The following FGD6 variants were observed in gnomAD, a reference collection of about 807,000 sequenced individuals.
FGD6 encodes the protein FYVE, RhoGEF and PH domain-containing protein 6.
FGD6 carries 90 observed loss-of-function variants against 149.4 expected under a neutral mutation model. The ratio of observed to expected loss-of-function variants is 0.60; its 90% CI spans 0.51 to 0.72. FGD6 has a LOEUF of 0.72. FGD6 is among the 30% of genes least tolerant of loss of function. FGD6 has a pLI of 0.00. For missense variants in FGD6, 1,437 were observed against 1,684.8 expected (o/e 0.85, Z 2.57); for synonymous variants, 527 against 584.0 (o/e 0.90, Z 1.41).
chr12:95,095,731 C>T (rs1389962960), intron 14 of FGD6, among the ~76,000 whole-genome samples: 1 of 151,858 alleles, frequency 6.6e-6, no homozygotes, highest in Non-Finnish European at 1.5e-5. Context: ...GAAGTAAAAT[C>T]GGCCAGGCGT....
chr12:95,092,929 T>C (rs541693804), intron 15 of FGD6, 84 bp from the exon 16 acceptor site: 21 of 1,474,968 alleles, frequency 1.4e-5, no homozygotes, highest in Non-Finnish European at 1.7e-5. Context: ...ACTACCAAGA[T>C]GGGGATGAGG....
chr12:95,211,297 C>A, intron 1 of FGD6, 30 bp from the exon 2 acceptor site: 1 of 1,518,194 alleles, frequency 6.6e-7, no homozygotes, highest in South Asian at 1.3e-5. Context: ...AATTTGATGT[C>A]AAAACAACCA....
At chr12:95,202,934 C>A (rs948800009) in intron 2 of FGD6, among the ~76,000 whole-genome samples, 14 of 152,184 alleles carry the variant, frequency 9.2e-5, no homozygotes, top group Admixed American at 8.5e-4. Context: ...TCAGTCCCAA[C>A]CCCCACCTTC....
rs558172358 is a variant in FGD6 at position 95,144,486 on chromosome 12, G to A, written c.2686-2947C>T. Reference sequence around the variant, plus strand: ...CAGCTCACCACAACCTCCGCTTCCCGGGTTCAAGCAATTCTCCTGCCTCAG... The same window carrying A: ...CAGCTCACCACAACCTCCGCTTCCCAGGTTCAAGCAATTCTCCTGCCTCAG... On this transcript the variant is annotated intron_variant, in intron 5 of 20. Transcript: ENST00000343958. 5.9e-5 allele frequency among the ~76,000 whole-genome samples: 9 copies of A among 151,836 alleles called. 1 individual carries two copies. Among genetic ancestry groups the A allele is most frequent in the South Asian group, 4.2e-4 (2 of 4,808 alleles).
chr12:95,139,708 T>A (rs894437505), intron 6 of FGD6, among the ~76,000 whole-genome samples: 38 of 150,636 alleles, frequency 2.5e-4, no homozygotes, highest in South Asian at 1.0e-3. Context: ...CAGAATGGAG[T>A]GCAGTGGCAC....
chr12:95,158,606 C>T (rs76112485), intron 3 of FGD6, among the ~76,000 whole-genome samples: 6,655 of 152,128 alleles, frequency 0.044, 199 homozygotes, highest in Middle Eastern at 0.099. Context: ...CACACACACA[C>T]GGATAACTGT....
In FGD6 at chr12:95,135,487, CA is replaced by C. The variant is rs1303040814; in HGVS notation, c.2995-662del. Among the ~76,000 whole-genome samples the C allele has an allele frequency of 2.6e-4, 39 of 152,168 alleles. 1 individual carries two copies. The highest frequency in any genetic ancestry group is 2.3e-3 in the Admixed American group (35 of 15,272). On this transcript the variant is annotated intron_variant, in intron 7 of 20. Transcript: ENST00000343958. The stretch of plus-strand genomic sequence containing the variant: ...CCACATTTTGGCTTGACTACAAAGA[CA>C]TTTGGTTATCCCTTGAAACCTCTCT...
At chr12:95,092,120 G>C (rs922955328) in intron 16 of FGD6, among the ~76,000 whole-genome samples, 1 of 152,194 alleles carries the variant, frequency 6.6e-6, no homozygotes, top group East Asian at 1.9e-4. Flanking sequence ...GGCCTGTGAG[G>C]TATACTGATC....
In FGD6 at chr12:95,141,880, A is replaced by G. The variant is rs193211367; in HGVS notation, c.2686-341T>C. Among the ~76,000 whole-genome samples, 7 of 152,294 alleles carry G rather than the reference A, an allele frequency of 4.6e-5. No homozygotes were observed. In the East Asian group the frequency reaches 5.8e-4, roughly 13 times the overall value. ...CTTTAGAATTATTCCAATACCATCAATATAAACACAATCCATTTATTTTAA... is the reference window on the plus strand; with the variant it reads ...CTTTAGAATTATTCCAATACCATCAGTATAAACACAATCCATTTATTTTAA... On this transcript the variant is annotated intron_variant, in intron 5 of 20. Coordinates refer to ENST00000343958, the MANE Select transcript of FGD6 (RefSeq NM_018351.4).
chr12:95,206,286 T>C (rs1161470909), intron 2 of FGD6, among the ~76,000 whole-genome samples: 1 of 151,042 alleles, frequency 6.6e-6, no homozygotes, highest in Non-Finnish European at 1.5e-5. Context: ...ACCAAACTTA[T>C]TACACACAAA....
intron 2 of FGD6, among the ~76,000 whole-genome samples, chr12:95,196,736 C>A (rs189549393): frequency 1.3e-5 from 2 of 151,778 alleles, no homozygotes; most frequent in Non-Finnish European, 2.9e-5. Context: ...GCCTCCCAGA[C>A]TCAGGTGATC....
chr12:95,193,868 C>T (rs1881665098), intron 2 of FGD6, among the ~76,000 whole-genome samples: 1 of 151,804 alleles, frequency 6.6e-6, no homozygotes, highest in African/African-American at 2.4e-5. Flanking sequence ...CAAAAGGCCA[C>T]ATGCTATATG....
Position 95,211,010 on chromosome 12 carries a change from T to C in FGD6, c.274A>G (p.Asn92Asp). ...TTGCCTTCATATTTACAATTAAAGT[T>C]GTCAGTGCTTTCAGCTAATTCCTGT... ...HKQELAESTDNFNCKYEGNQS... is the reference protein window; with the variant it reads ...HKQELAESTDDFNCKYEGNQS... Residue 92 changes from asparagine (N) to aspartate (D), a missense_variant, in exon 2 of 21, where the codon AAC becomes GAC. Physicochemically the swap from Asn to Asp is conservative, Grantham distance 23. Around this residue, in one of 2 missense-constraint regions of FGD6, gnomAD observed 1,055 missense variants for 1,146.0 expected, o/e 0.92. Coordinates refer to ENST00000343958, the MANE Select transcript of FGD6 (RefSeq NM_018351.4). 1 of 1,614,180 alleles carries C rather than the reference T, an allele frequency of 6.2e-7. No individual in the cohort carries two copies. Among genetic ancestry groups the C allele is most frequent in the South Asian group, 1.1e-5 (1 of 91,048 alleles).
At chr12:95,149,892 C>T (rs6538608) in intron 5 of FGD6, among the ~76,000 whole-genome samples, 127,766 of 145,760 alleles carry the variant, frequency 0.88, 56,323 homozygotes, top group African/African-American at 0.96. Context: ...TACTACATAT[C>T]ACATACACTA....
intron 5 of FGD6, among the ~76,000 whole-genome samples, chr12:95,147,741 A>C (rs1880057577): frequency 6.6e-6 from 1 of 152,220 alleles, no homozygotes; most frequent in African/African-American, 2.4e-5. Flanking sequence ...CATTGAAAAA[A>C]ATAGGAATAA....
intron 5 of FGD6, among the ~76,000 whole-genome samples, chr12:95,149,712 T>C (rs1029712540): frequency 2.1e-5 from 3 of 145,432 alleles, no homozygotes; most frequent in Admixed American, 7.2e-5. Context: ...GTCAAGCTTA[T>C]TGTCATTTCA....
chr12:95,120,173 G>A (rs1320931897), intron 8 of FGD6, among the ~76,000 whole-genome samples: 1 of 151,614 alleles, frequency 6.6e-6, no homozygotes, highest in African/African-American at 2.4e-5. Context: ...AGGTTGAAGT[G>A]AGCTGACATC....
At chr12:95,090,166 A>C (rs961055463) in intron 17 of FGD6, among the ~76,000 whole-genome samples, 2 of 152,104 alleles carry the variant, frequency 1.3e-5, no homozygotes, top group Non-Finnish European at 2.9e-5. Flanking sequence ...AAAGCTGGCC[A>C]TGATGGAGTA....
At chr12:95,197,618 T>C (rs1454909288) in intron 2 of FGD6, among the ~76,000 whole-genome samples, 4 of 152,200 alleles carry the variant, frequency 2.6e-5, no homozygotes, top group African/African-American at 7.2e-5. Flanking sequence ...TTACAAAAAG[T>C]ATTTTAGCCT....
Sources: allele counts gnomAD v4.1 joint callset (sites outside exome capture counted in the v4.1 genomes callset), GRCh38; gene constraint gnomAD v4.1.1; regional missense constraint gnomAD v4.1.1; transcripts MANE v1.5; gene names NCBI Gene and HGNC (gene_info 2026-07-23, HGNC 2026-07-21).